The following DONSON variants were observed in gnomAD, a reference collection of about 807,000 sequenced individuals.
DONSON encodes the protein protein downstream neighbor of Son.
DONSON carries 43 observed loss-of-function variants against 62.1 expected under a neutral mutation model. The observed-to-expected ratio is 0.69, with a 90% confidence interval of 0.54 to 0.89. The LOEUF (loss-of-function observed/expected upper bound fraction) is 0.89, where lower values mean the gene tolerates loss of function less well. Ranked by LOEUF, DONSON falls within the 40% of genes least tolerant of loss-of-function variation. DONSON has a pLI of 0.00. For missense variants in DONSON, 696 were observed against 697.5 expected (o/e 1.00, Z 0.03); for synonymous variants, 266 against 264.6 (o/e 1.01, Z -0.05).
chr21:33,580,796 C>T (rs1035990940), intron 8 of DONSON, among the ~76,000 whole-genome samples: 2 of 151,976 alleles, frequency 1.3e-5, no homozygotes, highest in African/African-American at 4.8e-5. Context: ...GCAGAAGAAT[C>T]GCTTGAACCC....
chr21:33,584,417 T>TAA (rs762498161), intron 4 of DONSON, among the ~76,000 whole-genome samples, 173 bp downstream of exon 4: 3 of 135,800 alleles, frequency 2.2e-5, no homozygotes, highest in Admixed American at 1.5e-4. Context: ...GAGTAACAGC[T>TAA]AAAAAAAAAA....
Position 33,581,950 on chromosome 21 carries a change from C to A in DONSON, c.1151+1G>T. 1 of 1,613,672 alleles carries A rather than the reference C, an allele frequency of 6.2e-7. No homozygotes were observed. The highest frequency in any genetic ancestry group is 8.5e-7 in the Non-Finnish European group (1 of 1,179,598). Reference sequence around the variant, plus strand: ...CTAGTTAACAACAACTGAAAGGATACAGCTTGATAGAAAGTATGTCTGGCT... The same window carrying A: ...CTAGTTAACAACAACTGAAAGGATAAAGCTTGATAGAAAGTATGTCTGGCT... On this transcript the variant is annotated splice_donor_variant, in intron 7 of 9. Coordinates refer to ENST00000303071, the MANE Select transcript of DONSON (RefSeq NM_017613.4). LOFTEE classifies it high-confidence loss of function.
intron 7 of DONSON, 86 bp from the exon 8 acceptor site, chr21:33,581,586 C>G (rs2086511505): frequency 9.3e-7 from 1 of 1,077,680 alleles, no homozygotes; most frequent in African/African-American, 1.6e-5. Context: ...ACCTGAGACT[C>G]CTTTTCTCCA....
chr21:33,582,232 GA>G lies in DONSON; in HGVS notation c.978del (p.Leu327CysfsTer3). Reference protein sequence around the residue: ...EAMRNEGIEFSLPLIKESGHK... With the variant: ...EAMRNEGIEFXLPLIKESGHK... ...TGGCCACTTTCTTTTATTAAAGGCA[GA>G]GAAAATTCAATACCTATATGAGGAA... On this transcript the variant is annotated frameshift_variant, in exon 6 of 10. Coordinates refer to ENST00000303071, the MANE Select transcript of DONSON (RefSeq NM_017613.4). LOFTEE classifies it high-confidence loss of function. The G allele has an allele frequency of 3.7e-6, 6 of 1,613,806 alleles. No individual in the cohort carries two copies. The highest frequency in any genetic ancestry group is 5.1e-6 in the Non-Finnish European group (6 of 1,179,830).
At chr21:33,581,885 T>C (rs1197406950) in intron 7 of DONSON, 66 bp downstream of exon 7, 3 of 1,403,806 alleles carry the variant, frequency 2.1e-6, no homozygotes, top group South Asian at 2.4e-5. Context: ...AAACTGCCAA[T>C]GTTAAACTTC....
intron 2 of DONSON, among the ~76,000 whole-genome samples, chr21:33,586,528 C>T (rs2086579334): frequency 6.6e-6 from 1 of 152,176 alleles, no homozygotes; most frequent in Non-Finnish European, 1.5e-5. Flanking sequence ...GCTTCTGAAA[C>T]TCTGCATCCA....
chr21:33,582,289 A>T (rs748440881), intron 5 of DONSON, 43 bp from the exon 6 acceptor site: 23 of 1,463,746 alleles, frequency 1.6e-5, no homozygotes, highest in South Asian at 5.8e-5. Context: ...CATTTAAAGT[A>T]TTTAACAGGC....
intron 2 of DONSON, among the ~76,000 whole-genome samples, chr21:33,586,820 C>T (rs1229341267): frequency 6.6e-6 from 1 of 151,782 alleles, no homozygotes; most frequent in African/African-American, 2.4e-5. Flanking sequence ...TATTTTTAGT[C>T]GAGACGGGGG....
intron 3 of DONSON, among the ~76,000 whole-genome samples, 193 bp downstream of exon 3, chr21:33,585,785 C>G (rs955362112): frequency 6.6e-6 from 1 of 151,236 alleles, no homozygotes; most frequent in Non-Finnish European, 1.5e-5. Flanking sequence ...AGCAGTTACT[C>G]AATCTGACTT....
chr21:33,578,754 G>GA (rs2145897803), intron 9 of DONSON, among the ~76,000 whole-genome samples: 1 of 152,256 alleles, frequency 6.6e-6, no homozygotes, highest in African/African-American at 2.4e-5. Flanking sequence ...AACTATAAAG[G>GA]AATCAGGTAC....
chr21:33,582,221 T>C lies in DONSON; in HGVS notation c.990A>G (p.Ile330Met). ...TCTCCTTCTTATGGCCACTTTCTTT[T>C]ATTAAAGGCAGAGAAAATTCAATAC... ...NEGIEFSLPL[I>M]KESGHKKETA... Residue 330 changes from isoleucine (I) to methionine (M), a missense_variant, in exon 6 of 10, where the codon ATA becomes ATG. By Grantham distance (10) the Ile-to-Met change is conservative. Transcript: ENST00000303071. 6.2e-7 allele frequency: 1 copy of C among 1,614,018 alleles called. No individual in the cohort carries two copies. The highest frequency in any genetic ancestry group is 8.5e-7 in the Non-Finnish European group (1 of 1,179,954).
At chr21:33,587,844 A>T (rs560552060) in intron 1 of DONSON, among the ~76,000 whole-genome samples, 44 of 152,346 alleles carry the variant, frequency 2.9e-4, no homozygotes, top group African/African-American at 1.1e-3. Context: ...TGGGTAAGAC[A>T]GATGCTAGTG....
intron 9 of DONSON, among the ~76,000 whole-genome samples, chr21:33,579,090 AC>A (rs11301519): frequency 1 from 151,830 of 151,830 alleles, 75,915 homozygotes; most frequent in Non-Finnish European, 1. Context: ...GTGAGCCGAG[AC>A]TCGCGCCGCT....
At position 33,582,180 on chromosome 21, in the gene DONSON, C is replaced by T. The variant is rs146461848; in HGVS notation, c.1031G>A (p.Ser344Asn). The T allele has an allele frequency of 1.1e-5, 17 of 1,614,070 alleles. No homozygotes were observed. The East Asian group carries it at 3.8e-4, about 36-fold the overall frequency. The part of the protein sequence containing the change: ...GHKKETASGT[S>N]LGYGEEQAIS... ...AATCACATACTCCCCATATCCCAAG[C>T]TTGTTCCAGATGCTGTCTCCTTCTT... The change falls in exon 6 of 10, where the codon AGC becomes AAC. Residue 344 changes from serine (S) to asparagine (N), a missense_variant. Transcript: ENST00000303071.
rs1467203952 is a variant in DONSON at position 33,587,605 on chromosome 21, G to A, written c.322-3C>T. Reference sequence around the variant, plus strand: ...TTTTCTTGATTAGAATCTAAAAACTGAGGTTAAATATATTCTCCTTTAAAA... The same window carrying A: ...TTTTCTTGATTAGAATCTAAAAACTAAGGTTAAATATATTCTCCTTTAAAA... On this transcript the variant is annotated splice_region_variant and splice_polypyrimidine_tract_variant and intron_variant, in intron 1 of 9. Transcript: ENST00000303071. 1.9e-6 allele frequency: 3 copies of A among 1,574,822 alleles called. No individual in the cohort carries two copies. The highest frequency in any genetic ancestry group is 2.6e-6 in the Non-Finnish European group (3 of 1,160,882).
chr21:33,584,214 T>A (rs2086552465), intron 4 of DONSON, among the ~76,000 whole-genome samples: 1 of 151,250 alleles, frequency 6.6e-6, no homozygotes, highest in African/African-American at 2.4e-5. Context: ...CAGGCTAATT[T>A]TTTTTGTATT....
intron 3 of DONSON, among the ~76,000 whole-genome samples, chr21:33,585,304 T>G (rs1394614656): frequency 6.6e-6 from 1 of 152,140 alleles, no homozygotes; most frequent in Non-Finnish European, 1.5e-5. Context: ...CACTGCAGTC[T>G]TGACCTCCTG....
chr21:33,582,337 A>C (rs1569075506), intron 5 of DONSON, 91 bp from the exon 6 acceptor site: 3 of 1,039,894 alleles, frequency 2.9e-6, no homozygotes, highest in Middle Eastern at 5.0e-4. Flanking sequence ...TTGAAATGTT[A>C]GTTTTTACAA....
At chr21:33,579,255 AAC>A (rs2086477210) in intron 9 of DONSON, 93 bp downstream of exon 9, 2 of 913,534 alleles carry the variant, frequency 2.2e-6, no homozygotes, top group East Asian at 5.1e-5. Context: ...AATTACTTGA[AAC>A]ACAATAGTGA....
Sources: allele counts gnomAD v4.1 joint callset (sites outside exome capture counted in the v4.1 genomes callset), GRCh38; gene constraint gnomAD v4.1.1; transcripts MANE v1.5; gene names NCBI Gene and HGNC (gene_info 2026-07-23, HGNC 2026-07-21).